Variants in NPSR1 observed in about 807,000 individuals in gnomAD.
NPSR1 encodes the protein neuropeptide S receptor.
NPSR1 carries 48 observed loss-of-function variants against 46.9 expected under a neutral mutation model. The ratio of observed to expected loss-of-function variants is 1.02; its 90% CI spans 0.81 to 1.30. The LOEUF is 1.30. Among genes scored for constraint, NPSR1 ranks in the 50% most tolerant of loss-of-function variants. The probability of loss-of-function intolerance (pLI) is 0.00; values close to 1 mark genes in which losing one functional copy is unlikely to be tolerated. For synonymous variants in NPSR1, 176 were observed against 168.1 expected, an observed-to-expected ratio of 1.05 and a Z score of -0.36; for missense variants, 450 against 449.5, an observed-to-expected ratio of 1.00 and a Z score of -0.01.
chr7:34,757,198 G>A (rs1785909303), intron 2 of NPSR1, among the ~76,000 whole-genome samples: 1 of 152,112 alleles, frequency 6.6e-6, no homozygotes, highest in Admixed American at 6.5e-5. Flanking sequence ...ATTGCATCAA[G>A]CTCCAATAAA....
intron 2 of NPSR1, among the ~76,000 whole-genome samples, chr7:34,752,948 C>T (rs1365495762): frequency 6.6e-6 from 1 of 152,166 alleles, no homozygotes. Flanking sequence ...GGACAAATAT[C>T]GTGCAACACT....
At chr7:34,752,742 A>T (rs1233729178) in intron 2 of NPSR1, among the ~76,000 whole-genome samples, 1 of 152,210 alleles carries the variant, frequency 6.6e-6, no homozygotes, top group Non-Finnish European at 1.5e-5. Flanking sequence ...TTAAATGATA[A>T]GTAAATGACA....
intron 3 of NPSR1, among the ~76,000 whole-genome samples, chr7:34,785,119 T>G (rs1224787313): frequency 1.3e-5 from 2 of 151,636 alleles, no homozygotes; most frequent in Non-Finnish European, 2.9e-5. Flanking sequence ...TAGCAAAGAC[T>G]TGGAACCAAC....
intron 4 of NPSR1, among the ~76,000 whole-genome samples, chr7:34,823,414 AAAC>A (rs200877399): frequency 5.4e-5 from 8 of 147,472 alleles, no homozygotes; most frequent in Non-Finnish European, 1.0e-4. Context: ...AAAAAAAAAA[AAAC>A]AACACCATAA....
chr7:34,667,091 A>AT (rs904968340), intron 1 of NPSR1, among the ~76,000 whole-genome samples: 4 of 152,180 alleles, frequency 2.6e-5, no homozygotes, highest in African/African-American at 4.8e-5. Context: ...CAATAAGAAG[A>AT]TTTTTTTATT....
At chr7:34,661,775 TCA>T (rs966724575) in intron 1 of NPSR1, among the ~76,000 whole-genome samples, 2 of 152,172 alleles carry the variant, frequency 1.3e-5, no homozygotes, top group African/African-American at 4.8e-5. Flanking sequence ...CTGGCTCCCT[TCA>T]CAGTTTCCAG....
intron 1 of NPSR1, among the ~76,000 whole-genome samples, chr7:34,672,486 C>T (rs929574682): frequency 6.6e-6 from 1 of 152,090 alleles, no homozygotes; most frequent in Non-Finnish European, 1.5e-5. Flanking sequence ...GTCCCACATG[C>T]CAAGCCCTGA....
At chr7:34,837,433 C>A (rs1201882288) in intron 6 of NPSR1, among the ~76,000 whole-genome samples, 1 of 152,250 alleles carries the variant, frequency 6.6e-6, no homozygotes, top group Non-Finnish European at 1.5e-5. Flanking sequence ...GGAGCAGCTC[C>A]TGTCTGCCAC....
At chr7:34,757,061 A>C (rs1347494136) in intron 2 of NPSR1, among the ~76,000 whole-genome samples, 1 of 152,198 alleles carries the variant, frequency 6.6e-6, no homozygotes. Context: ...TGTTGTACGC[A>C]AAAATTGCCA....
chr7:34,803,495 C>T (rs1051028197), intron 3 of NPSR1, among the ~76,000 whole-genome samples: 1 of 151,636 alleles, frequency 6.6e-6, no homozygotes, highest in Non-Finnish European at 1.5e-5. Flanking sequence ...CAGGTTCGCA[C>T]TCATAGGTGG....
In NPSR1 at chr7:34,688,043, A is replaced by G. The variant is rs1324501448; in HGVS notation, c.280+3359A>G. Among the ~76,000 whole-genome samples, 12 of 152,224 alleles carry G rather than the reference A, an allele frequency of 7.9e-5. No individual in the cohort carries two copies. In the East Asian group the frequency reaches 2.1e-3, roughly 27 times the overall value. Reference sequence around the variant, plus strand: ...CCAAAGCATACTGGCTTTGATAAACATTCCAGGGTTTCCATTGGTACTGCT... The same window carrying G: ...CCAAAGCATACTGGCTTTGATAAACGTTCCAGGGTTTCCATTGGTACTGCT... On this transcript the variant is annotated intron_variant, in intron 2 of 8. Coordinates refer to ENST00000360581, the MANE Select transcript of NPSR1 (RefSeq NM_207172.2).
chr7:34,693,427 C>T (rs1793364261), intron 2 of NPSR1, among the ~76,000 whole-genome samples: 1 of 152,040 alleles, frequency 6.6e-6, no homozygotes, highest in African/African-American at 2.4e-5. Context: ...CATACAACCC[C>T]CTAAGATTGA....
intron 5 of NPSR1, among the ~76,000 whole-genome samples, chr7:34,827,905 T>C (rs1393228147): frequency 1.3e-5 from 2 of 152,212 alleles, no homozygotes; most frequent in Admixed American, 6.5e-5. Flanking sequence ...CCCAATTTAA[T>C]GAATGATGAA....
chr7:34,746,955 T>C (rs776881754), intron 2 of NPSR1, among the ~76,000 whole-genome samples: 1 of 152,044 alleles, frequency 6.6e-6, no homozygotes, highest in Middle Eastern at 3.4e-3. Flanking sequence ...TGAAACCCCG[T>C]GTCTATTAAA....
In NPSR1 at chr7:34,709,575, C is replaced by T. The variant is rs377436669; in HGVS notation, c.280+24891C>T. ...AGAGCCCACCAGCCCCAGACCACAGCGTTCCTGACTTCCTTTACTCTGCTT... is the reference window on the plus strand; with the variant it reads ...AGAGCCCACCAGCCCCAGACCACAGTGTTCCTGACTTCCTTTACTCTGCTT... On this transcript the variant is annotated intron_variant, in intron 2 of 8. Transcript: ENST00000360581. Among the ~76,000 whole-genome samples, 30 of 152,278 alleles carry T rather than the reference C, an allele frequency of 2.0e-4. 1 individual carries two copies. The highest frequency in any genetic ancestry group is 1.9e-3 in the East Asian group (10 of 5,178).
At chr7:34,762,771 T>C (rs1440820992) in intron 2 of NPSR1, among the ~76,000 whole-genome samples, 1 of 152,170 alleles carries the variant, frequency 6.6e-6, no homozygotes, top group East Asian at 1.9e-4. Flanking sequence ...CAATTAAGGA[T>C]AAAAGGACCT....
intron 2 of NPSR1, among the ~76,000 whole-genome samples, chr7:34,770,955 G>A (rs1219645752): frequency 6.6e-6 from 1 of 152,134 alleles, no homozygotes; most frequent in African/African-American, 2.4e-5. Context: ...TTTTTATAAT[G>A]GCATTAATCT....
At chr7:34,833,151 G>C (rs770326172) in intron 5 of NPSR1, among the ~76,000 whole-genome samples, 1 of 152,086 alleles carries the variant, frequency 6.6e-6, no homozygotes. Flanking sequence ...GTGCTTTGTC[G>C]GCTACTGCAA....
At chr7:34,864,537 G>T (rs1791265952) in intron 8 of NPSR1, among the ~76,000 whole-genome samples, 1 of 151,710 alleles carries the variant, frequency 6.6e-6, no homozygotes, top group African/African-American at 2.4e-5. Flanking sequence ...CAAAGGAGTT[G>T]AAGTCCAAAA....
Sources: allele counts gnomAD v4.1 joint callset (sites outside exome capture counted in the v4.1 genomes callset), GRCh38; gene constraint gnomAD v4.1.1; transcripts MANE v1.5; gene names NCBI Gene and HGNC (gene_info 2026-07-23, HGNC 2026-07-21).